Variants in SDK1 observed in about 807,000 individuals in gnomAD.
SDK1 encodes sidekick cell adhesion molecule 1.
A neutral mutation model predicts 245.5 loss-of-function variants in SDK1; 157 were observed. That is an observed-to-expected ratio of 0.64 (90% CI 0.56 to 0.73). The LOEUF is 0.73. Ranked by LOEUF, SDK1 falls within the 30% of genes least tolerant of loss-of-function variation. SDK1 has a pLI of 0.00. For synonymous variants in SDK1, 1,647 were observed against 1,278.5 expected (o/e 1.29, Z -6.15); for missense variants, 3,583 against 3,002.3 (o/e 1.19, Z -4.52).
intron 5 of SDK1, among the ~76,000 whole-genome samples, chr7:3,847,155 C>G (rs925304024): frequency 6.6e-6 from 1 of 152,126 alleles, no homozygotes; most frequent in African/African-American, 2.4e-5. Context: ...CCTGAAACCT[C>G]CAAACCCTGC....
At chr7:3,997,445 C>T (rs1039626066) in intron 14 of SDK1, among the ~76,000 whole-genome samples, 3 of 151,966 alleles carry the variant, frequency 2.0e-5, no homozygotes, top group Non-Finnish European at 2.9e-5. Context: ...CAGCTCATCC[C>T]GACAAGTGTT....
chr7:3,314,017 G>A (rs1779608357), intron 1 of SDK1, among the ~76,000 whole-genome samples: 1 of 152,132 alleles, frequency 6.6e-6, no homozygotes, highest in Admixed American at 6.5e-5. Context: ...ATCAATAACA[G>A]TTGCTTCCTT....
At chr7:3,596,418 G>C (rs1340384423) in intron 1 of SDK1, among the ~76,000 whole-genome samples, 1 of 152,308 alleles carries the variant, frequency 6.6e-6, no homozygotes, top group Middle Eastern at 3.4e-3. Flanking sequence ...CTCCATTTCT[G>C]TAACAATGGG....
intron 19 of SDK1, among the ~76,000 whole-genome samples, chr7:4,064,385 C>G (rs901008474): frequency 6.6e-6 from 1 of 152,156 alleles, no homozygotes; most frequent in African/African-American, 2.4e-5. Flanking sequence ...CATTTTATCC[C>G]AGTCAGAATC....
At chr7:4,107,382 C>T (rs894485857) in intron 22 of SDK1, among the ~76,000 whole-genome samples, 3 of 152,114 alleles carry the variant, frequency 2.0e-5, no homozygotes, top group East Asian at 1.9e-4. Flanking sequence ...ACGTGAGCCA[C>T]GTGCGCCCTG....
chr7:3,777,305 C>G (rs1017458468), intron 4 of SDK1, among the ~76,000 whole-genome samples: 1 of 152,178 alleles, frequency 6.6e-6, no homozygotes, highest in Non-Finnish European at 1.5e-5. Context: ...TTATTGGCAT[C>G]CTGTTTAATA....
At chr7:4,243,106 G>A (rs1218728370) in intron 43 of SDK1, among the ~76,000 whole-genome samples, 1 of 152,194 alleles carries the variant, frequency 6.6e-6, no homozygotes, top group Admixed American at 6.5e-5. Flanking sequence ...TAGTTTCAAG[G>A]CCAGGAGGAA....
intron 17 of SDK1, among the ~76,000 whole-genome samples, chr7:4,044,520 G>A (rs888097328): frequency 8.5e-5 from 13 of 152,086 alleles, no homozygotes; most frequent in Non-Finnish European, 1.3e-4. Context: ...CATAGCTCAC[G>A]GTAACCTCAA....
intron 1 of SDK1, among the ~76,000 whole-genome samples, chr7:3,320,150 C>G (rs987818826): frequency 6.6e-6 from 1 of 152,024 alleles, no homozygotes; most frequent in African/African-American, 2.4e-5. Context: ...CACACACGCA[C>G]TCCCCTCTCA....
At chr7:3,393,614 A>G (rs1466918784) in intron 1 of SDK1, among the ~76,000 whole-genome samples, 1 of 152,192 alleles carries the variant, frequency 6.6e-6, no homozygotes, top group Non-Finnish European at 1.5e-5. Context: ...TGAATGGGCT[A>G]CAAGTTAAAA....
At chr7:4,035,120 A>C (rs1788120672) in intron 17 of SDK1, among the ~76,000 whole-genome samples, 1 of 151,674 alleles carries the variant, frequency 6.6e-6, no homozygotes, top group South Asian at 2.1e-4. Flanking sequence ...CTGGGATTAC[A>C]AGCACGTACC....
chr7:4,086,780 T>C (rs572942916), intron 22 of SDK1, among the ~76,000 whole-genome samples: 2 of 152,304 alleles, frequency 1.3e-5, no homozygotes. Flanking sequence ...GGCAGCGTAC[T>C]CATGGGTTCC....
chr7:3,628,873 G>T (rs1233777029), intron 2 of SDK1, among the ~76,000 whole-genome samples: 1 of 152,162 alleles, frequency 6.6e-6, no homozygotes, highest in African/African-American at 2.4e-5. Context: ...GCCTTGAGGG[G>T]ATTTCTAGGC....
Position 3,413,562 on chromosome 7 carries a change from G to A in SDK1, c.298+111678G>A, listed in dbSNP as rs142081471. ...GCATGAAAATTAGGCATGGCGGTGG[G>A]CACCTGTAATCCCAGCTACTGGGAG... On this transcript the variant is annotated intron_variant, in intron 1 of 44. Transcript: ENST00000404826. 4.5e-3 allele frequency among the ~76,000 whole-genome samples: 687 copies of A among 152,126 alleles called. 6 individuals are homozygous for A. The highest frequency in any genetic ancestry group is 0.016 in the African/African-American group (654 of 41,496).
In SDK1 at chr7:3,613,596, C is replaced by T. The variant is rs10230656; in HGVS notation, c.299-5484C>T. Among the ~76,000 whole-genome samples the T allele has an allele frequency of 2.1e-3, 313 of 152,112 alleles. 3 individuals are homozygous for T. The highest frequency in any genetic ancestry group is 6.8e-3 in the African/African-American group (282 of 41,472). On this transcript the variant is annotated intron_variant, in intron 1 of 44. Transcript: ENST00000404826. ...AGACAGTGTGGTGATTCCTCAAAGA[C>T]CTAAAGACAGAAATACCGTTTGACC...
At position 3,786,984 on chromosome 7, in the gene SDK1, C is replaced by G. The variant is rs1348088102; in HGVS notation, c.714-34466C>G. Among the ~76,000 whole-genome samples, 8 of 152,048 alleles carry G rather than the reference C, an allele frequency of 5.3e-5. 1 individual carries two copies. The highest frequency in any genetic ancestry group is 5.2e-4 in the Admixed American group (8 of 15,262). On this transcript the variant is annotated intron_variant, in intron 4 of 44. Coordinates refer to ENST00000404826, the MANE Select transcript of SDK1 (RefSeq NM_152744.4). ...AGAAATAGAGTATAAACATTGTTCT[C>G]TTACTCTGACAAGCAGAATTGATAG...
At chr7:4,235,515 T>G (rs1786104041) in intron 41 of SDK1, among the ~76,000 whole-genome samples, 2 of 152,198 alleles carry the variant, frequency 1.3e-5, no homozygotes, top group African/African-American at 2.4e-5. Context: ...AGATTTCTCA[T>G]TTCCCTAATT....
intron 14 of SDK1, 144 bp downstream of exon 14, chr7:3,987,466 G>A (rs1783948975): frequency 1.2e-6 from 1 of 851,036 alleles, no homozygotes; most frequent in Non-Finnish European, 1.8e-6. Flanking sequence ...AACACAGCCT[G>A]CCCTTTAGGA....
chr7:4,237,403 C>T (rs2128237029), intron 41 of SDK1, among the ~76,000 whole-genome samples: 1 of 152,118 alleles, frequency 6.6e-6, no homozygotes, highest in South Asian at 2.1e-4. Flanking sequence ...AGCCCTGAGC[C>T]TGATCCCACA....
Sources: gnomAD v4.1 joint callset for allele counts (sites outside exome capture counted in the v4.1 genomes callset) on GRCh38, gnomAD v4.1.1 for gene constraint, MANE v1.5 for transcripts, NCBI Gene and HGNC (gene_info 2026-07-23, HGNC 2026-07-21) for gene names.